The following MYO3B variants were observed in gnomAD, a reference collection of about 807,000 sequenced individuals.
MYO3B encodes myosin IIIB.
In MYO3B, 156 loss-of-function variants were observed where a neutral mutation model predicts 174.6. That is an observed-to-expected ratio of 0.89 (90% CI 0.78 to 1.02). The LOEUF (loss-of-function observed/expected upper bound fraction) is 1.02. MYO3B is among the 50% of genes least tolerant of loss of function. The pLI is 0.00. For synonymous variants in MYO3B, 563 were observed against 569.1 expected, an observed-to-expected ratio of 0.99 and a Z score of 0.15; for missense variants, 1,632 against 1,639.4, an observed-to-expected ratio of 1.00 and a Z score of 0.08.
At chr2:170,557,212 T>C (rs1167481066) in intron 32 of MYO3B, among the ~76,000 whole-genome samples, 4 of 151,282 alleles carry the variant, frequency 2.6e-5, no homozygotes, top group African/African-American at 2.4e-5. Context: ...CGATCTCGGC[T>C]CACTGCAAGC....
At chr2:170,541,756 G>A (rs1020510410) in intron 30 of MYO3B, among the ~76,000 whole-genome samples, 2 of 152,160 alleles carry the variant, frequency 1.3e-5, no homozygotes, top group Non-Finnish European at 2.9e-5. Flanking sequence ...TACACAGAGC[G>A]TGAAATAGAG....
intron 22 of MYO3B, among the ~76,000 whole-genome samples, chr2:170,424,594 G>A (rs2094646235): frequency 6.6e-6 from 1 of 151,988 alleles, no homozygotes; most frequent in African/African-American, 2.4e-5. Context: ...GGGCAAAAGA[G>A]GAAGACTCCG....
intron 30 of MYO3B, among the ~76,000 whole-genome samples, chr2:170,538,421 C>G (rs1216454598): frequency 3.3e-5 from 5 of 152,324 alleles, no homozygotes; most frequent in Non-Finnish European, 5.9e-5. Context: ...AATTTTGGAG[C>G]CTGTGAAGCT....
intron 7 of MYO3B, among the ~76,000 whole-genome samples, chr2:170,310,191 A>G (rs2105466865): frequency 6.6e-6 from 1 of 152,324 alleles, no homozygotes; most frequent in East Asian, 1.9e-4. Context: ...TGAGCTCTCG[A>G]CGAAAAGCGT....
Position 170,497,814 on chromosome 2 carries a change from T to C in MYO3B, c.3015-778T>C, listed in dbSNP as rs187448008. Among the ~76,000 whole-genome samples the C allele has an allele frequency of 7.9e-5, 12 of 151,516 alleles. No individual in the cohort carries two copies. The East Asian group carries it at 2.3e-3, about 30-fold the overall frequency. On this transcript the variant is annotated intron_variant, in intron 25 of 34. Coordinates refer to ENST00000408978, the MANE Select transcript of MYO3B (RefSeq NM_138995.5). Reference sequence around the variant, plus strand: ...ATTTTTCCTGGCTGGGCAAGGTGGCTCACGCTTGTAATCCCAGCTACTCGG... The same window carrying C: ...ATTTTTCCTGGCTGGGCAAGGTGGCCCACGCTTGTAATCCCAGCTACTCGG...
intron 23 of MYO3B, 34 bp downstream of exon 23, chr2:170,444,080 A>T: frequency 6.4e-7 from 1 of 1,559,884 alleles, no homozygotes; most frequent in Non-Finnish European, 8.8e-7. Context: ...TATAGTATGG[A>T]CTGGCAGGTA....
chr2:170,546,635 G>A (rs996929639), intron 32 of MYO3B, among the ~76,000 whole-genome samples: 3 of 152,168 alleles, frequency 2.0e-5, no homozygotes, highest in African/African-American at 4.8e-5. Context: ...CTTAGAAAAC[G>A]ACAAAGATGA....
rs781609126 is a variant in MYO3B, at chr2:170,498,613, A to C, written c.3036A>C (p.Thr1012=). The C allele has an allele frequency of 6.2e-7, 1 of 1,613,958 alleles. No individual in the cohort carries two copies. The highest frequency in any genetic ancestry group is 1.1e-5 in the South Asian group (1 of 91,048). Residue 1012 remains threonine (T), a synonymous_variant, in exon 26 of 35, where the codon ACA becomes ACC. Coordinates refer to ENST00000408978, the MANE Select transcript of MYO3B (RefSeq NM_138995.5). ...FVKRYYYLAF[T]AHQTPLASKE... Reference sequence around the variant, plus strand: ...GCAGGTATTATTACTTGGCATTCACAGCACATCAAACACCTCTTGCTAGCA... The same window carrying C: ...GCAGGTATTATTACTTGGCATTCACCGCACATCAAACACCTCTTGCTAGCA...
intron 32 of MYO3B, among the ~76,000 whole-genome samples, chr2:170,558,555 C>T (rs1183917268): frequency 6.6e-6 from 1 of 152,124 alleles, no homozygotes; most frequent in Non-Finnish European, 1.5e-5. Context: ...AGCATATATT[C>T]TTTGACTTCT....
At chr2:170,333,655 G>T (rs2093927299) in intron 7 of MYO3B, among the ~76,000 whole-genome samples, 1 of 151,880 alleles carries the variant, frequency 6.6e-6, no homozygotes, top group Admixed American at 6.6e-5. Flanking sequence ...TTGTGTCTTG[G>T]TACGTATTGT....
chr2:170,432,741 T>C (rs1196907822), intron 22 of MYO3B, among the ~76,000 whole-genome samples: 1 of 151,134 alleles, frequency 6.6e-6, no homozygotes, highest in African/African-American at 2.4e-5. Context: ...CATGCCCGGC[T>C]AATTTTTGTA....
At chr2:170,564,327 G>C (rs888815437) in intron 32 of MYO3B, among the ~76,000 whole-genome samples, 3 of 152,128 alleles carry the variant, frequency 2.0e-5, no homozygotes, top group Admixed American at 1.3e-4. Context: ...ACAAAAATTA[G>C]CCAGGTGTGA....
At chr2:170,231,885 A>G (rs2093019556) in intron 6 of MYO3B, among the ~76,000 whole-genome samples, 1 of 152,218 alleles carries the variant, frequency 6.6e-6, no homozygotes, top group Non-Finnish European at 1.5e-5. Flanking sequence ...AAGGGATCGT[A>G]TAGGTTATTT....
rs74672375 is a variant in MYO3B, at chr2:170,227,810, T to G, written c.604-8181T>G. On this transcript the variant is annotated intron_variant, in intron 6 of 34. Transcript: ENST00000408978. ...AGATGTGTCATGAAGGAGAAAAACA[T>G]TTTTTTCCTCAATAGTTTCTGATTG... Among the ~76,000 whole-genome samples the G allele has an allele frequency of 8.2e-3, 1,241 of 152,240 alleles. 17 individuals carry two copies. The highest frequency in any genetic ancestry group is 0.025 in the South Asian group (122 of 4,820).
intron 25 of MYO3B, among the ~76,000 whole-genome samples, chr2:170,473,733 C>T (rs1465647392): frequency 6.6e-6 from 1 of 152,118 alleles, no homozygotes; most frequent in Non-Finnish European, 1.5e-5. Flanking sequence ...AACAAATTTG[C>T]CTCCCTTCTC....
chr2:170,484,887 A>G (rs928516936), intron 25 of MYO3B, among the ~76,000 whole-genome samples: 6 of 152,214 alleles, frequency 3.9e-5, no homozygotes, highest in South Asian at 2.1e-4. Flanking sequence ...GGAATGGGCA[A>G]TTGGGGGTAA....
At chr2:170,333,093 G>A (rs999694019) in intron 7 of MYO3B, among the ~76,000 whole-genome samples, 1 of 152,176 alleles carries the variant, frequency 6.6e-6, no homozygotes, top group South Asian at 2.1e-4. Flanking sequence ...CTGTGGGACT[G>A]ACCTTAGAAC....
rs558698057 is a variant in MYO3B, at chr2:170,636,233, T to A, written c.3734-15395T>A. Among the ~76,000 whole-genome samples the A allele has an allele frequency of 1.4e-4, 21 of 152,204 alleles. No homozygotes were observed. In the South Asian group the frequency reaches 4.4e-3, roughly 32 times the overall value. On this transcript the variant is annotated intron_variant, in intron 32 of 34. Coordinates refer to ENST00000408978, the MANE Select transcript of MYO3B (RefSeq NM_138995.5). ...GGGCTGGTCCCAACCCAGGTGCCAA[T>A]AACTGGTTCATCATGGCCAGAAACA... is the stretch of plus-strand genomic sequence containing the variant.
intron 25 of MYO3B, among the ~76,000 whole-genome samples, chr2:170,476,079 C>T (rs575812716): frequency 1.8e-4 from 28 of 152,182 alleles, no homozygotes; most frequent in African/African-American, 6.7e-4. Flanking sequence ...CCTGTCCCCC[C>T]CCACAGGACA....
Sources: gnomAD v4.1 joint callset for allele counts (sites outside exome capture counted in the v4.1 genomes callset) on GRCh38, gnomAD v4.1.1 for gene constraint, MANE v1.5 for transcripts, NCBI Gene and HGNC (gene_info 2026-07-23, HGNC 2026-07-21) for gene names.